Variants in TSNARE1 observed in about 807,000 individuals in gnomAD.
TSNARE1 encodes the protein t-SNARE domain-containing protein 1.
TSNARE1 carries 49 observed loss-of-function variants against 62.0 expected under a neutral mutation model. The ratio of observed to expected loss-of-function variants is 0.79; its 90% CI spans 0.63 to 1.00. The LOEUF (loss-of-function observed/expected upper bound fraction) is 1.00, where lower values mean the gene tolerates loss of function less well. Ranked by LOEUF, TSNARE1 falls within the 50% of genes least tolerant of loss-of-function variation. TSNARE1 has a pLI of 0.00. For synonymous variants in TSNARE1, 328 were observed against 294.4 expected, an observed-to-expected ratio of 1.11 and a Z score of -1.17; for missense variants, 755 against 700.1, an observed-to-expected ratio of 1.08 and a Z score of -0.88.
At chr8:142,329,619 G>A (rs912223219) in intron 6 of TSNARE1, among the ~76,000 whole-genome samples, 12 of 152,208 alleles carry the variant, frequency 7.9e-5, no homozygotes, top group African/African-American at 1.7e-4. Context: ...GAGGCCACAC[G>A]TTTCCTGAGC....
chr8:142,247,285 C>T (rs543763461), intron 12 of TSNARE1, among the ~76,000 whole-genome samples: 1 of 152,200 alleles, frequency 6.6e-6, no homozygotes. Context: ...GCCCGAGGCT[C>T]GGGGTCCAGC....
intron 13 of TSNARE1, among the ~76,000 whole-genome samples, chr8:142,223,160 AC>A (rs1435728284): frequency 1.6e-4 from 5 of 30,374 alleles, no homozygotes; most frequent in Non-Finnish European, 2.8e-4. Flanking sequence ...TCACTCATTC[AC>A]TCACTCACTC....
rs749299318 is a variant in TSNARE1, at chr8:142,336,282, CAAAA to C, written c.746-4455_746-4452del. Among the ~76,000 whole-genome samples, 5 of 25,140 alleles carry C rather than the reference CAAAA, an allele frequency of 2.0e-4. No individual in the cohort carries two copies. The South Asian group carries it at 4.5e-3, about 23-fold the overall frequency. 16.5% of individuals were successfully genotyped at this position (25,140 alleles called of 152,430 possible). On this transcript the variant is annotated intron_variant, in intron 4 of 13. Transcript: ENST00000524325. Reference sequence around the variant, plus strand: ...GACAACAGAGCAAGAGACCCTGTCTCAAAAAAAAAAAAAAAAAAAAAAAAGGCAA... The same window carrying C: ...GACAACAGAGCAAGAGACCCTGTCTCAAAAAAAAAAAAAAAAAAAAGGCAA...
At chr8:142,283,425 G>C (rs895446394) in intron 11 of TSNARE1, among the ~76,000 whole-genome samples, 11 of 150,756 alleles carry the variant, frequency 7.3e-5, no homozygotes, top group African/African-American at 2.7e-4. Context: ...CAGAGGCGGG[G>C]TTAGTGTCTG....
chr8:142,299,618 C>A (rs1825350468), intron 10 of TSNARE1, among the ~76,000 whole-genome samples: 1 of 152,236 alleles, frequency 6.6e-6, no homozygotes, highest in Non-Finnish European at 1.5e-5. Context: ...TGCACTTACA[C>A]ATGCATGCAC....
At chr8:142,260,983 A>AG (rs1563786606) in intron 12 of TSNARE1, among the ~76,000 whole-genome samples, 1 of 47,844 alleles carries the variant, frequency 2.1e-5, no homozygotes. Flanking sequence ...GGAGGGAGGG[A>AG]GGAGAGAGGG....
At chr8:142,237,195 G>A (rs1230306619) in intron 12 of TSNARE1, among the ~76,000 whole-genome samples, 1 of 152,064 alleles carries the variant, frequency 6.6e-6, no homozygotes, top group Non-Finnish European at 1.5e-5. Context: ...TCACACGCCT[G>A]CCACCCCTCC....
chr8:142,382,085 G>T (rs1476325861), intron 1 of TSNARE1, among the ~76,000 whole-genome samples: 1 of 152,196 alleles, frequency 6.6e-6, no homozygotes, highest in Non-Finnish European at 1.5e-5. Context: ...CATCAGCCCT[G>T]TGCAGCCTCC....
intron 10 of TSNARE1, among the ~76,000 whole-genome samples, chr8:142,297,777 C>G (rs180701384): frequency 9.2e-5 from 14 of 152,274 alleles, no homozygotes; most frequent in Non-Finnish European, 1.9e-4. Context: ...TGCTGCAGAC[C>G]GTGGGGAGGG....
At chr8:142,352,565 C>T (rs1834238501) in intron 2 of TSNARE1, among the ~76,000 whole-genome samples, 1 of 152,268 alleles carries the variant, frequency 6.6e-6, no homozygotes, top group Non-Finnish European at 1.5e-5. Flanking sequence ...CGCACAGACG[C>T]CGCGGTGTGC....
chr8:142,268,883 G>C (rs1037999912), intron 12 of TSNARE1, among the ~76,000 whole-genome samples: 2 of 152,232 alleles, frequency 1.3e-5, no homozygotes, highest in Non-Finnish European at 2.9e-5. Context: ...GCCAGCTCCA[G>C]GTCATCAATG....
At chr8:142,342,483 GC>G (rs1832717852) in intron 4 of TSNARE1, among the ~76,000 whole-genome samples, 1 of 152,178 alleles carries the variant, frequency 6.6e-6, no homozygotes, top group South Asian at 2.1e-4. Context: ...GCAGCCCAGT[GC>G]TCTAGGGACC....
rs536215362 is a variant in TSNARE1, at chr8:142,271,599, G to A, written c.1446+3182C>T. 1.1e-4 allele frequency: 152 copies of A among 1,432,050 alleles called. No individual in the cohort carries two copies. The African/African-American group carries it at 2.0e-3, about 19-fold the overall frequency. 88.7% of individuals were successfully genotyped at this position (1,432,050 alleles called of 1,614,324 possible). On this transcript the variant is annotated intron_variant, in intron 12 of 13. Coordinates refer to ENST00000524325, the MANE Select transcript of TSNARE1 (RefSeq NM_145003.5). ...GAGGTGGGTGCGTGGAAGACTCCTC[G>A]TAAGTCCAGGGGGTCAGGTTCAGGC...
chr8:142,352,070 C>T (rs1367045608), intron 2 of TSNARE1, among the ~76,000 whole-genome samples: 1 of 152,228 alleles, frequency 6.6e-6, no homozygotes, highest in African/African-American at 2.4e-5. Context: ...TCAACGCTGC[C>T]CTGGCTGAGA....
chr8:142,217,303 AAAAGAAAGAAAGAAAGAAAGAAAGAAAG>A (rs140047050), intron 13 of TSNARE1, among the ~76,000 whole-genome samples: 12,274 of 126,660 alleles, frequency 0.097, 759 homozygotes, highest in South Asian at 0.15. Context: ...GAAAGAAAGA[AAAAGAAAGAAAGAAAGAAAGAAAGAAAG>A]AAAGAAAGAA....
chr8:142,310,412 G>A (rs112272142), intron 9 of TSNARE1, among the ~76,000 whole-genome samples: 30 of 151,382 alleles, frequency 2.0e-4, no homozygotes, highest in African/African-American at 7.1e-4. Context: ...TTCCACCGTC[G>A]ACGTTAACCT....
intron 4 of TSNARE1, among the ~76,000 whole-genome samples, chr8:142,339,611 C>T (rs897803197): frequency 1.3e-5 from 2 of 152,230 alleles, no homozygotes; most frequent in Admixed American, 6.5e-5. Context: ...ATGGAGAGGA[C>T]GTGACTAAAC....
chr8:142,288,294 G>A (rs1823120968), intron 10 of TSNARE1, among the ~76,000 whole-genome samples: 1 of 152,232 alleles, frequency 6.6e-6, no homozygotes, highest in African/African-American at 2.4e-5. Context: ...TGCACACACG[G>A]CCACTGCACT....
chr8:142,296,918 G>A (rs896015220), intron 10 of TSNARE1, among the ~76,000 whole-genome samples: 2 of 152,138 alleles, frequency 1.3e-5, no homozygotes, highest in African/African-American at 2.4e-5. Flanking sequence ...ACTGTCTCCC[G>A]TGGGTGGCCT....
Sources: allele counts gnomAD v4.1 joint callset (sites outside exome capture counted in the v4.1 genomes callset), GRCh38; gene constraint gnomAD v4.1.1; transcripts MANE v1.5; gene names NCBI Gene and HGNC (gene_info 2026-07-23, HGNC 2026-07-21).